NXPE2: variants seen among roughly 807,000 people sequenced by gnomAD.
NXPE2 encodes neurexophilin and PC-esterase domain family member 2.
In NXPE2, 34 loss-of-function variants were observed where a neutral mutation model predicts 34.4. That is an observed-to-expected ratio of 0.99 (90% CI 0.75 to 1.31). The LOEUF (loss-of-function observed/expected upper bound fraction) is 1.31, where lower values mean the gene tolerates loss of function less well. Ranked by LOEUF, NXPE2 falls within the 40% of genes most tolerant of loss-of-function variation. NXPE2 has a pLI of 0.00. For missense variants in NXPE2, 649 were observed against 672.5 expected, an observed-to-expected ratio of 0.97 and a Z score of 0.39; for synonymous variants, 235 against 231.3, an observed-to-expected ratio of 1.02 and a Z score of -0.15.
At chr11:114,575,545 C>T in the NXPE2 span, among the ~76,000 whole-genome samples, 6 of 152,070 alleles carry the variant, frequency 3.9e-5, no homozygotes, top group Non-Finnish European at 7.4e-5. Context: ...TATACACCAA[C>T]AGCAACCAAG....
chr11:114,769,380 A>G, the NXPE2 span, among the ~76,000 whole-genome samples: 20 of 152,236 alleles, frequency 1.3e-4, no homozygotes, highest in Admixed American at 1.2e-3. Flanking sequence ...AAATTAGTTC[A>G]ACCATTGTGG....
the NXPE2 span, among the ~76,000 whole-genome samples, chr11:114,615,653 C>A: frequency 6.6e-6 from 1 of 151,540 alleles, no homozygotes; most frequent in Non-Finnish European, 1.5e-5. Flanking sequence ...TCTAGGGTAA[C>A]CACTGTTACC....
the NXPE2 span, among the ~76,000 whole-genome samples, chr11:114,811,301 G>A: frequency 2.2e-4 from 33 of 151,640 alleles, no homozygotes; most frequent in African/African-American, 6.5e-4. Flanking sequence ...AAACCTGCAC[G>A]TTGTGCACAT....
the NXPE2 span, among the ~76,000 whole-genome samples, chr11:114,790,729 G>T: frequency 6.6e-6 from 1 of 151,970 alleles, no homozygotes; most frequent in Non-Finnish European, 1.5e-5. Flanking sequence ...TTTGTGCCAG[G>T]TCTCGAAGCT....
At chr11:114,550,995 T>G in the NXPE2 span, 11 of 628,778 alleles carry the variant, frequency 1.7e-5, no homozygotes, top group African/African-American at 1.6e-4. Context: ...AGGGCAGTAG[T>G]TGAGGTGGGG....
chr11:114,601,973 TCTG>T, the NXPE2 span, among the ~76,000 whole-genome samples: 1 of 74,904 alleles, frequency 1.3e-5, no homozygotes, highest in Non-Finnish European at 2.4e-5. Context: ...TATTATATAT[TCTG>T]TTATATATAA....
At chr11:114,620,820 C>T in the NXPE2 span, among the ~76,000 whole-genome samples, 2 of 151,782 alleles carry the variant, frequency 1.3e-5, no homozygotes, top group African/African-American at 4.8e-5. Flanking sequence ...ACCACTGTTA[C>T]CCTGTGTCTA....
the NXPE2 span, among the ~76,000 whole-genome samples, chr11:114,647,761 G>T: frequency 6.6e-6 from 1 of 151,694 alleles, no homozygotes; most frequent in African/African-American, 2.4e-5. Flanking sequence ...GAGTACAGTG[G>T]CATGATCTGG....
chr11:114,698,480 T>C lies in NXPE2; in HGVS notation c.568T>C (p.Ser190Pro), dbSNP rs548010943. The C allele has an allele frequency of 5.0e-6, 8 of 1,614,120 alleles. No individual in the cohort carries two copies. The highest frequency in any genetic ancestry group is 4.0e-5 in the African/African-American group (3 of 75,062). The change falls in exon 3 of 6, where the codon TCT becomes CCT. Residue 190 changes from serine to proline, a missense_variant. Transcript: ENST00000389586. ...TLFWEGQVSL[S>P]LLLIHPSEGV... Reference sequence around the variant, plus strand: ...GTTCTGGGAGGGCCAGGTTTCCCTGTCTCTGCTGCTCATCCACCCCAGTGA... The same window carrying C: ...GTTCTGGGAGGGCCAGGTTTCCCTGCCTCTGCTGCTCATCCACCCCAGTGA...
chr11:114,731,637 G>C, the NXPE2 span, among the ~76,000 whole-genome samples: 3 of 152,160 alleles, frequency 2.0e-5, no homozygotes, highest in Non-Finnish European at 4.4e-5. Context: ...TTTACATACT[G>C]TATTGTTTAA....
the NXPE2 span, among the ~76,000 whole-genome samples, chr11:114,665,917 T>A: frequency 6.6e-6 from 1 of 152,168 alleles, no homozygotes; most frequent in Admixed American, 6.6e-5. Context: ...CCATGACAAA[T>A]CTGTGTGCAG....
At chr11:114,484,207 C>T in the NXPE2 span, among the ~76,000 whole-genome samples, 1 of 152,168 alleles carries the variant, frequency 6.6e-6, no homozygotes, top group Non-Finnish European at 1.5e-5. Flanking sequence ...GCCGTCCTTT[C>T]CAATTGACTA....
At chr11:114,642,310 G>A in the NXPE2 span, among the ~76,000 whole-genome samples, 24,963 of 151,940 alleles carry the variant, frequency 0.16, 2,674 homozygotes, top group Non-Finnish European at 0.22. Flanking sequence ...ATGAGCAGTG[G>A]TTTGTAGTTC....
intron 2 of NXPE2, among the ~76,000 whole-genome samples, chr11:114,689,316 A>G (rs1169063461): frequency 6.6e-6 from 1 of 151,804 alleles, no homozygotes; most frequent in Non-Finnish European, 1.5e-5. Context: ...ATTTTTTAAA[A>G]TTTCTGCCTT....
chr11:114,510,441 C>G, the NXPE2 span, among the ~76,000 whole-genome samples: 1 of 152,080 alleles, frequency 6.6e-6, no homozygotes, highest in Non-Finnish European at 1.5e-5. Context: ...CCCTTTGTTG[C>G]CCAAGCTGGT....
At chr11:114,495,875 T>C in the NXPE2 span, among the ~76,000 whole-genome samples, 2 of 152,110 alleles carry the variant, frequency 1.3e-5, no homozygotes, top group Non-Finnish European at 2.9e-5. Flanking sequence ...GCTCATCTGG[T>C]TTCCAAGTTG....
the NXPE2 span, among the ~76,000 whole-genome samples, chr11:114,715,339 AT>A: frequency 2.0e-5 from 3 of 152,188 alleles, no homozygotes; most frequent in Non-Finnish European, 4.4e-5. Context: ...GTTCTATGTA[AT>A]TGCGCAAAAT....
the NXPE2 span, among the ~76,000 whole-genome samples, chr11:114,617,190 T>C: frequency 2.7e-5 from 4 of 149,788 alleles, no homozygotes; most frequent in African/African-American, 9.8e-5. Context: ...ATAAGTGTTG[T>C]CTTGTTGGTA....
the NXPE2 span, among the ~76,000 whole-genome samples, chr11:114,723,481 A>G: frequency 6.6e-6 from 1 of 152,320 alleles, no homozygotes; most frequent in African/African-American, 2.4e-5. Context: ...ACTGAAGGTT[A>G]AGTCATATGG....
Sources: allele counts gnomAD v4.1 joint callset (sites outside exome capture counted in the v4.1 genomes callset), GRCh38; gene constraint gnomAD v4.1.1; transcripts MANE v1.5; gene names NCBI Gene and HGNC (gene_info 2026-07-23, HGNC 2026-07-21).